CENPP: variants seen among roughly 807,000 people sequenced by gnomAD.
The protein encoded by CENPP is centromere protein P.
A neutral mutation model predicts 35.6 loss-of-function variants in CENPP; 24 were observed. The ratio of observed to expected loss-of-function variants is 0.67; its 90% CI spans 0.49 to 0.95. The LOEUF is 0.95. CENPP is among the 40% of genes least tolerant of loss of function. CENPP has a pLI of 0.00. For missense variants in CENPP, 332 were observed against 345.3 expected (o/e 0.96, Z 0.31); for synonymous variants, 120 against 125.5 (o/e 0.96, Z 0.29).
chr9:92,508,463 C>T (rs1187847612), intron 5 of CENPP, among the ~76,000 whole-genome samples: 1 of 152,172 alleles, frequency 6.6e-6, no homozygotes, highest in East Asian at 1.9e-4. Context: ...TGTGAAAGCA[C>T]GTTCACAATC....
intron 5 of CENPP, among the ~76,000 whole-genome samples, chr9:92,564,160 G>T (rs377318743): frequency 3.3e-5 from 5 of 152,070 alleles, no homozygotes; most frequent in African/African-American, 1.2e-4. Flanking sequence ...GCCGAGGTGG[G>T]CAGATGACTT....
At chr9:92,417,777 G>A (rs1466796369) in intron 5 of CENPP, among the ~76,000 whole-genome samples, 2 of 152,096 alleles carry the variant, frequency 1.3e-5, no homozygotes, top group Non-Finnish European at 2.9e-5. Context: ...GGAGTGCAGT[G>A]GCACAATCTC....
intron 5 of CENPP, chr9:92,401,108 G>A (rs890113422): frequency 1.4e-6 from 2 of 1,473,948 alleles, no homozygotes; most frequent in South Asian, 2.3e-5. Context: ...TTTCTTTCTT[G>A]GGAGGTAATG....
chr9:92,339,485 A>AT (rs1554751616), intron 3 of CENPP, among the ~76,000 whole-genome samples: 1 of 151,658 alleles, frequency 6.6e-6, no homozygotes, highest in Non-Finnish European at 1.5e-5. Context: ...GGTTGTCTAG[A>AT]CCCCCTCATT....
At chr9:92,405,890 G>C (rs1486329651) in intron 5 of CENPP, among the ~76,000 whole-genome samples, 1 of 152,200 alleles carries the variant, frequency 6.6e-6, no homozygotes, top group Non-Finnish European at 1.5e-5. Context: ...TCTGTGCCAG[G>C]ACTTCAGACA....
intron 3 of CENPP, among the ~76,000 whole-genome samples, chr9:92,344,447 A>C (rs1401620771): frequency 6.6e-6 from 1 of 152,082 alleles, no homozygotes; most frequent in African/African-American, 2.4e-5. Flanking sequence ...ATACCATATA[A>C]CTTACCAGTT....
chr9:92,402,726 A>G (rs1049169504), intron 5 of CENPP, among the ~76,000 whole-genome samples: 1 of 152,220 alleles, frequency 6.6e-6, no homozygotes. Context: ...CTAGGTTTTC[A>G]GTTTTTGGTA....
In CENPP at chr9:92,575,729, G is replaced by A. The variant is rs182451089; in HGVS notation, c.565-35585G>A. Among the ~76,000 whole-genome samples the A allele has an allele frequency of 2.6e-3, 400 of 152,038 alleles. 1 individual carries two copies. The highest frequency in any genetic ancestry group is 9.4e-3 in the South Asian group (45 of 4,804). ...TGTGGGGTTGAGACAGGAGAATTGC[G>A]TGAACCTGGGAGGTGGAGGTTGCAG... On this transcript the variant is annotated intron_variant, in intron 5 of 7. Transcript: ENST00000375587.
At chr9:92,390,159 T>C in intron 5 of CENPP, 1 of 683,300 alleles carries the variant, frequency 1.5e-6, no homozygotes, top group South Asian at 1.9e-5. Flanking sequence ...ATCTTTCATT[T>C]TTAGTGCCTG....
Position 92,615,377 on chromosome 9 carries a change from T to TA in CENPP, c.*2230dup, listed in dbSNP as rs1445493434. 1 of 173,664 alleles carries TA rather than the reference T, an allele frequency of 5.8e-6. No homozygotes were observed. The highest frequency in any genetic ancestry group is 1.2e-5 in the Non-Finnish European group (1 of 81,534). The allele number at this position is 173,664 out of a possible 1,614,324, so 10.8% of individuals were successfully genotyped here. A position where few individuals can be genotyped will look rare whatever the true frequency, so the allele number is the denominator to read the frequency against. The stretch of plus-strand genomic sequence containing the variant: ...GGCTTGCACTGAAAAAGTGACCATG[T>TA]AACTCAGCTGGGGGAAGTTCCAGTA... On this transcript the variant is annotated 3_prime_UTR_variant, in exon 8 of 8. Transcript: ENST00000375587.
Position 92,325,966 on chromosome 9 carries a change from C to T in CENPP, c.-33C>T, listed in dbSNP as rs371838317. 4.6e-6 allele frequency: 7 copies of T among 1,527,332 alleles called. No homozygotes were observed. The highest frequency in any genetic ancestry group is 4.2e-5 in the African/African-American group (3 of 72,270). The allele number at this position is 1,527,332 out of a possible 1,614,324, so 94.6% of individuals were successfully genotyped here. On this transcript the variant is annotated 5_prime_UTR_variant, in exon 1 of 8. Coordinates refer to ENST00000375587, the MANE Select transcript of CENPP (RefSeq NM_001012267.3). ...AGCGCGCAGGTCGGAGTGACAGCTG[C>T]GCTGCCGGCCCGGCTGCGGTCAGCA...
chr9:92,610,158 C>T (rs1432625600), intron 5 of CENPP, among the ~76,000 whole-genome samples: 6 of 152,092 alleles, frequency 3.9e-5, no homozygotes, highest in Non-Finnish European at 8.8e-5. Flanking sequence ...CAGGTTTAAG[C>T]GATTCTTCTG....
chr9:92,358,156 CTCTT>C (rs1841642753), intron 4 of CENPP, among the ~76,000 whole-genome samples: 1 of 150,014 alleles, frequency 6.7e-6, no homozygotes, highest in East Asian at 1.9e-4. Flanking sequence ...GCTTCTTCCT[CTCTT>C]TTTTTTTTTT....
chr9:92,589,436 G>A (rs1294546065), intron 5 of CENPP, among the ~76,000 whole-genome samples: 1 of 151,414 alleles, frequency 6.6e-6, no homozygotes, highest in Non-Finnish European at 1.5e-5. Context: ...CAAAAAATTT[G>A]TGTAAGATAA....
intron 5 of CENPP, among the ~76,000 whole-genome samples, chr9:92,392,529 C>G (rs539355909): frequency 6.6e-6 from 1 of 151,836 alleles, no homozygotes; most frequent in East Asian, 1.9e-4. Flanking sequence ...ACAGGAGAGC[C>G]ACTTAAACCT....
chr9:92,598,174 G>C (rs1850825426), intron 5 of CENPP, among the ~76,000 whole-genome samples: 1 of 152,162 alleles, frequency 6.6e-6, no homozygotes, highest in Non-Finnish European at 1.5e-5. Context: ...GTGTTCTTTG[G>C]GGGTGTGGGT....
chr9:92,535,694 T>C (rs1296037492), intron 5 of CENPP, among the ~76,000 whole-genome samples: 1 of 152,128 alleles, frequency 6.6e-6, no homozygotes, highest in East Asian at 1.9e-4. Flanking sequence ...TATACTTCTA[T>C]TGAACACATA....
chr9:92,433,255 A>G (rs914894101), intron 5 of CENPP, among the ~76,000 whole-genome samples: 4 of 152,202 alleles, frequency 2.6e-5, no homozygotes, highest in African/African-American at 9.6e-5. Context: ...GCATCAGATA[A>G]CCTAAATACT....
intron 5 of CENPP, among the ~76,000 whole-genome samples, chr9:92,582,194 C>T (rs1203128554): frequency 6.6e-6 from 1 of 152,114 alleles, no homozygotes; most frequent in Non-Finnish European, 1.5e-5. Context: ...GCTGAGACTA[C>T]AGGCACATGC....
Sources: gnomAD v4.1 joint callset for allele counts (sites outside exome capture counted in the v4.1 genomes callset) on GRCh38, gnomAD v4.1.1 for gene constraint, MANE v1.5 for transcripts, NCBI Gene and HGNC (gene_info 2026-07-23, HGNC 2026-07-21) for gene names.